The following DYNC2H1 variants were observed in gnomAD, a reference collection of about 807,000 sequenced individuals.
DYNC2H1 encodes dynein cytoplasmic 2 heavy chain 1.
DYNC2H1 carries 410 observed loss-of-function variants against 570.0 expected under a neutral mutation model. The ratio of observed to expected loss-of-function variants is 0.72; its 90% CI spans 0.66 to 0.78. The LOEUF (loss-of-function observed/expected upper bound fraction) is 0.78. Ranked by LOEUF, DYNC2H1 falls within the 30% of genes least tolerant of loss-of-function variation. The probability of loss-of-function intolerance (pLI) is 0.00; values close to 1 mark genes in which losing one functional copy is unlikely to be tolerated. For missense variants in DYNC2H1, 4,865 were observed against 5,046.4 expected (o/e 0.96, Z 1.09); for synonymous variants, 1,688 against 1,677.6 (o/e 1.01, Z -0.15).
chr11:103,301,724 G>A (rs144091881), intron 75 of DYNC2H1, among the ~76,000 whole-genome samples: 103 of 151,932 alleles, frequency 6.8e-4, no homozygotes, highest in Middle Eastern at 3.4e-3. Context: ...GCTGCTTTAG[G>A]CGTGAAATGT....
At chr11:103,153,639 A>G (rs989626881) in intron 22 of DYNC2H1, 131 bp downstream of exon 22, 1 of 854,600 alleles carries the variant, frequency 1.2e-6, no homozygotes, top group Non-Finnish European at 1.8e-6. Flanking sequence ...AACTACAAAT[A>G]ATAAGCATTC....
chr11:103,471,907 G>T (rs1312250444), intron 88 of DYNC2H1, among the ~76,000 whole-genome samples: 1 of 152,162 alleles, frequency 6.6e-6, no homozygotes, highest in Admixed American at 6.5e-5. Flanking sequence ...AACAATGAGG[G>T]AAAGTCAGAT....
intron 80 of DYNC2H1, among the ~76,000 whole-genome samples, chr11:103,320,275 G>A (rs1280660277): frequency 2.6e-5 from 4 of 152,056 alleles, no homozygotes; most frequent in South Asian, 2.1e-4. Flanking sequence ...GGTGGCATGC[G>A]CCTGTAATCC....
chr11:103,456,286 G>C lies in DYNC2H1; in HGVS notation c.12578G>C (p.Arg4193Pro). 1 of 1,608,404 alleles carries C rather than the reference G, an allele frequency of 6.2e-7. No homozygotes were observed. The highest frequency in any genetic ancestry group is 8.5e-7 in the Non-Finnish European group (1 of 1,176,814). ...CTTTACCTTTACAGGGCAGTGGGTCGTTCTGTGGATAGCCTTAAATTTGTA... is the reference window on the plus strand; with the variant it reads ...CTTTACCTTTACAGGGCAGTGGGTCCTTCTGTGGATAGCCTTAAATTTGTA... The part of the protein sequence containing the change: ...LRQETARAVG[R>P]SVDSLKFVAS... Residue 4193 changes from arginine (R) to proline (P), a missense_variant, in exon 87 of 89, where the codon CGT (arginine) becomes CCT (proline). By Grantham distance (103) the Arg-to-Pro change is moderately radical. Transcript: ENST00000375735.
At chr11:103,126,751 C>G (rs1859023100) in intron 12 of DYNC2H1, among the ~76,000 whole-genome samples, 1 of 151,796 alleles carries the variant, frequency 6.6e-6, no homozygotes. Flanking sequence ...ATTCTCCTGC[C>G]TCAGCCTCCC....
At chr11:103,216,000 A>C in intron 55 of DYNC2H1, 142 bp downstream of exon 55, 1 of 1,025,952 alleles carries the variant, frequency 9.7e-7, no homozygotes, top group East Asian at 2.7e-5. Context: ...TTATGTCCTT[A>C]AGCTTTTGTG....
intron 84 of DYNC2H1, chr11:103,406,169 T>C (rs1484649970): frequency 6.6e-6 from 1 of 152,046 alleles, no homozygotes; most frequent in Non-Finnish European, 1.5e-5. Context: ...GTAATTTACT[T>C]ACTAAGGGCT....
intron 54 of DYNC2H1, among the ~76,000 whole-genome samples, chr11:103,212,935 T>C (rs974447595): frequency 6.6e-6 from 1 of 152,162 alleles, no homozygotes; most frequent in African/African-American, 2.4e-5. Context: ...AAAATTCATA[T>C]GGAAAAAACT....
chr11:103,444,315 TATAG>T (rs1944360909), intron 85 of DYNC2H1, among the ~76,000 whole-genome samples: 1 of 152,006 alleles, frequency 6.6e-6, no homozygotes. Flanking sequence ...AATTTCAACC[TATAG>T]AGCACATAAG....
chr11:103,433,221 A>G (rs887582945), intron 84 of DYNC2H1, among the ~76,000 whole-genome samples: 2 of 152,100 alleles, frequency 1.3e-5, no homozygotes, highest in African/African-American at 4.8e-5. Flanking sequence ...ATAGGTAAAT[A>G]TTATCTATCT....
At chr11:103,165,688 A>T (rs190452726) in intron 30 of DYNC2H1, among the ~76,000 whole-genome samples, 4 of 152,294 alleles carry the variant, frequency 2.6e-5, no homozygotes, top group African/African-American at 9.6e-5. Flanking sequence ...ATAGTATGAA[A>T]TGAGTTCTGT....
rs751447895 is a variant in DYNC2H1, at chr11:103,116,707, C to T, written c.759C>T (p.Asp253=). The change falls in exon 5 of 89, where the codon GAC becomes GAT. Residue 253 remains aspartate, a synonymous_variant. Transcript: ENST00000375735. The part of the protein sequence containing the change: ...YPESRMLHLL[D]IIGGSFGRFV... Reference sequence around the variant, plus strand: ...AGTCACGAATGTTGCATCTCTTAGACATCATAGGTACTAGTAAAAAAATGA... The same window carrying T: ...AGTCACGAATGTTGCATCTCTTAGATATCATAGGTACTAGTAAAAAAATGA... 5 of 1,589,334 alleles carry T rather than the reference C, an allele frequency of 3.1e-6. No individual in the cohort carries two copies. The South Asian group carries it at 4.7e-5, about 15-fold the overall frequency.
In DYNC2H1 at chr11:103,399,759, C is replaced by T. The variant is rs201076231; in HGVS notation, c.12253C>T (p.Arg4085Cys). ...FIILEQFNAI[R>C]LVQSVHQSLA... ...CATTCTTGAACAATTTAATGCTATT[C>T]GTTTAGTACAAAGTGTCCACCAGTC... The change falls in exon 84 of 89, where the codon CGT becomes TGT. Residue 4085 changes from arginine (R) to cysteine (C), a missense_variant. By Grantham distance (180) the Arg-to-Cys change is radical (BLOSUM62 -3). Transcript: ENST00000375735. The T allele has an allele frequency of 1.5e-5, 25 of 1,613,834 alleles. No individual in the cohort carries two copies. The Admixed American group carries it at 1.7e-4, about 11-fold the overall frequency.
At chr11:103,329,931 GC>G (rs1181243352) in intron 82 of DYNC2H1, among the ~76,000 whole-genome samples, 2 of 152,090 alleles carry the variant, frequency 1.3e-5, no homozygotes, top group Non-Finnish European at 2.9e-5. Flanking sequence ...AATTACTCTT[GC>G]CACTGCTTTT....
intron 28 of DYNC2H1, 77 bp from the exon 29 acceptor site, chr11:103,160,855 C>T (rs1040983983): frequency 2.8e-6 from 2 of 724,228 alleles, no homozygotes; most frequent in African/African-American, 3.7e-5. Flanking sequence ...TATATATTAA[C>T]ACTATGTGAC....
In DYNC2H1 at chr11:103,363,536, A is replaced by G. The variant is rs1057275772; in HGVS notation, c.12156+5177A>G. On this transcript the variant is annotated intron_variant, in intron 83 of 88. Coordinates refer to ENST00000375735, the MANE Select transcript of DYNC2H1 (RefSeq NM_001377.3). The surrounding 1 kb of genome is among the most constrained non-coding windows in gnomAD (Gnocchi z 5.6). The stretch of plus-strand genomic sequence containing the variant: ...TGTTTTCCGAGTTTGTTCTTTCCCA[A>G]ACTTGAGCTCCTTTAAGGGAAATAC... Among the ~76,000 whole-genome samples the G allele has an allele frequency of 6.6e-6, 1 of 152,204 alleles. No homozygotes were observed. Among genetic ancestry groups the G allele is most frequent in the Non-Finnish European group, 1.5e-5 (1 of 68,026 alleles).
At chr11:103,394,127 C>G (rs1942291335) in intron 83 of DYNC2H1, among the ~76,000 whole-genome samples, 2 of 152,158 alleles carry the variant, frequency 1.3e-5, no homozygotes, top group Non-Finnish European at 2.9e-5. Context: ...CTCTTCAACA[C>G]TTCTGATTTA....
At chr11:103,454,986 C>G in intron 85 of DYNC2H1, 200 bp from the exon 86 acceptor site, 2 of 482,788 alleles carry the variant, frequency 4.1e-6, no homozygotes, top group Non-Finnish European at 7.3e-6. Context: ...TGCAAGGAAT[C>G]GTATTTAAGA....
chr11:103,411,009 G>C (rs984229044), intron 84 of DYNC2H1, among the ~76,000 whole-genome samples: 3 of 152,072 alleles, frequency 2.0e-5, no homozygotes, highest in Non-Finnish European at 4.4e-5. Flanking sequence ...TTTTCACTGG[G>C]GTGGGGATGC....
Sources: gnomAD v4.1 joint callset for allele counts (sites outside exome capture counted in the v4.1 genomes callset) on GRCh38, gnomAD v4.1.1 for gene constraint, Gnocchi (gnomAD v3.1) non-coding constraint, MANE v1.5 for transcripts, NCBI Gene and HGNC (gene_info 2026-07-23, HGNC 2026-07-21) for gene names.